Variants in GPR158 observed in about 807,000 individuals in gnomAD.
GPR158 encodes metabotropic glycine receptor.
In GPR158, 30 loss-of-function variants were observed where a neutral mutation model predicts 78.2. The ratio of observed to expected loss-of-function variants is 0.38; its 90% CI spans 0.29 to 0.52. The LOEUF (loss-of-function observed/expected upper bound fraction) is 0.52, where lower values mean the gene tolerates loss of function less well. Ranked by LOEUF, GPR158 falls within the 20% of genes least tolerant of loss-of-function variation. The pLI is 0.83. For synonymous variants in GPR158, 581 were observed against 591.1 expected (o/e 0.98, Z 0.25); for missense variants, 1,463 against 1,523.5 (o/e 0.96, Z 0.66).
intron 4 of GPR158, among the ~76,000 whole-genome samples, chr10:25,422,722 T>A (rs1834767534): frequency 7.2e-5 from 11 of 152,038 alleles, no homozygotes. Context: ...TTTATTTCAG[T>A]AGGTTTTTGG....
At chr10:25,380,526 T>A (rs1480356372) in intron 2 of GPR158, among the ~76,000 whole-genome samples, 2 of 152,194 alleles carry the variant, frequency 1.3e-5, no homozygotes, top group Non-Finnish European at 2.9e-5. Flanking sequence ...TTTTATGTGT[T>A]TTTTCAATAA....
chr10:25,292,158 T>C (rs1316248608), intron 2 of GPR158, among the ~76,000 whole-genome samples: 3 of 151,938 alleles, frequency 2.0e-5, no homozygotes, highest in African/African-American at 4.8e-5. Context: ...TATGTATCAA[T>C]TGGTTTATAA....
intron 5 of GPR158, among the ~76,000 whole-genome samples, chr10:25,508,246 G>T (rs1171034801): frequency 6.6e-6 from 1 of 152,124 alleles, no homozygotes; most frequent in African/African-American, 2.4e-5. Context: ...GAGGCAATCT[G>T]CAAATCAGGG....
At chr10:25,271,775 C>A (rs1854121807) in intron 2 of GPR158, among the ~76,000 whole-genome samples, 1 of 151,956 alleles carries the variant, frequency 6.6e-6, no homozygotes, top group African/African-American at 2.4e-5. Context: ...AATTCTCCTG[C>A]CTCAGTCTCC....
At chr10:25,214,300 C>T (rs1853176336) in intron 1 of GPR158, among the ~76,000 whole-genome samples, 1 of 152,084 alleles carries the variant, frequency 6.6e-6, no homozygotes, top group Middle Eastern at 3.4e-3. Context: ...GGCCGAGTCT[C>T]CCTTATTTAT....
intron 3 of GPR158, among the ~76,000 whole-genome samples, chr10:25,408,669 T>A (rs903308331): frequency 6.6e-6 from 1 of 152,354 alleles, no homozygotes. Context: ...GTATCCTAGC[T>A]TCTCATACTT....
At chr10:25,275,484 C>G (rs2130747477) in intron 2 of GPR158, among the ~76,000 whole-genome samples, 1 of 152,222 alleles carries the variant, frequency 6.6e-6, no homozygotes, top group East Asian at 1.9e-4. Context: ...AAATAAATTA[C>G]TTTCCTATCG....
chr10:25,532,304 C>T (rs1836434515), intron 5 of GPR158, among the ~76,000 whole-genome samples: 1 of 106,114 alleles, frequency 9.4e-6, no homozygotes, highest in African/African-American at 4.7e-5. Flanking sequence ...AGGTGGGCCA[C>T]TCCCAGGGAC....
At chr10:25,283,877 C>A (rs1412738955) in intron 2 of GPR158, among the ~76,000 whole-genome samples, 1 of 151,682 alleles carries the variant, frequency 6.6e-6, no homozygotes, top group Non-Finnish European at 1.5e-5. Flanking sequence ...TTTATAGTCC[C>A]ATAGTTCATT....
At chr10:25,321,204 A>G (rs1854943444) in intron 2 of GPR158, among the ~76,000 whole-genome samples, 1 of 152,198 alleles carries the variant, frequency 6.6e-6, no homozygotes, top group Admixed American at 6.5e-5. Context: ...TATGCAATTT[A>G]ATGCTAAATA....
intron 7 of GPR158, among the ~76,000 whole-genome samples, chr10:25,582,507 A>G (rs1369330882): frequency 3.3e-5 from 5 of 152,228 alleles, no homozygotes; most frequent in Admixed American, 6.5e-5. Context: ...AGCAATGAAG[A>G]AAAGCCAGCC....
chr10:25,197,427 CTAAAATT>C (rs1852857736), intron 1 of GPR158, among the ~76,000 whole-genome samples: 1 of 152,032 alleles, frequency 6.6e-6, no homozygotes, highest in South Asian at 2.1e-4. Flanking sequence ...AGAAAAAAAT[CTAAAATT>C]TAAAAGTCTG....
intron 7 of GPR158, among the ~76,000 whole-genome samples, chr10:25,574,199 A>T (rs1837055954): frequency 6.6e-6 from 1 of 151,066 alleles, no homozygotes; most frequent in Non-Finnish European, 1.5e-5. Context: ...GACACAAACA[A>T]GCAGATAGCA....
At chr10:25,299,336 T>G (rs1050367613) in intron 2 of GPR158, among the ~76,000 whole-genome samples, 6 of 152,194 alleles carry the variant, frequency 3.9e-5, no homozygotes, top group African/African-American at 7.2e-5. Flanking sequence ...CTTGGATCCC[T>G]AGACTTATTC....
intron 2 of GPR158, among the ~76,000 whole-genome samples, chr10:25,257,856 C>T (rs563074952): frequency 5.9e-5 from 9 of 152,258 alleles, no homozygotes; most frequent in African/African-American, 1.7e-4. Context: ...CTTGGCCTTG[C>T]AACAGTCTTC....
chr10:25,490,048 G>A (rs1835784708), intron 5 of GPR158, among the ~76,000 whole-genome samples: 1 of 151,976 alleles, frequency 6.6e-6, no homozygotes, highest in Non-Finnish European at 1.5e-5. Flanking sequence ...TATATCAGAA[G>A]AAAATTTACA....
chr10:25,583,166 T>C (rs11014629), intron 7 of GPR158, among the ~76,000 whole-genome samples: 53,678 of 151,646 alleles, frequency 0.35, 9,598 homozygotes, highest in East Asian at 0.49. Flanking sequence ...AGGGAACACA[T>C]ACCCAGCCTC....
intron 6 of GPR158, among the ~76,000 whole-genome samples, chr10:25,565,624 G>C (rs1351515154): frequency 6.6e-6 from 1 of 152,166 alleles, no homozygotes; most frequent in African/African-American, 2.4e-5. Flanking sequence ...TAGGAGTTTT[G>C]AGATGATTTT....
At chr10:25,307,619 C>T (rs1854699385) in intron 2 of GPR158, among the ~76,000 whole-genome samples, 3 of 152,074 alleles carry the variant, frequency 2.0e-5, no homozygotes, top group Admixed American at 2.0e-4. Flanking sequence ...AAGCAATCTT[C>T]CTGCCTTGGC....
Sources: gnomAD v4.1 joint callset for allele counts (sites outside exome capture counted in the v4.1 genomes callset) on GRCh38, gnomAD v4.1.1 for gene constraint, MANE v1.5 for transcripts, NCBI Gene and HGNC (gene_info 2026-07-23, HGNC 2026-07-21) for gene names.